CNOT1: variants seen among roughly 807,000 people sequenced by gnomAD.
CNOT1 encodes CCR4-associated factor 1.
In CNOT1, 15 loss-of-function variants were observed where a neutral mutation model predicts 273.8. The ratio of observed to expected loss-of-function variants is 0.05; its 90% CI spans 0.04 to 0.08. The LOEUF is 0.08. Among genes scored for constraint, CNOT1 ranks in the 10% least tolerant of loss-of-function variants. The probability of loss-of-function intolerance (pLI) is 1.00; values close to 1 mark genes in which losing one functional copy is unlikely to be tolerated. For synonymous variants in CNOT1, 1,022 were observed against 1,005.5 expected (o/e 1.02, Z -0.31); for missense variants, 1,644 against 2,912.2 (o/e 0.56, Z 10.02).
chr16:58,555,566 A>T, intron 20 of CNOT1, 29 bp from the exon 21 acceptor site: 1 of 1,595,764 alleles, frequency 6.3e-7, no homozygotes, highest in Non-Finnish European at 8.5e-7. Flanking sequence ...AACAACGCAC[A>T]CATAAAGGAA....
rs180774956 is a variant in CNOT1, at chr16:58,523,335, T to C, written c.6917+35A>G. 3.6e-4 allele frequency: 554 copies of C among 1,556,080 alleles called. 3 individuals carry two copies. The African/African-American group carries it at 5.3e-3, about 15-fold the overall frequency. On this transcript the variant is annotated intron_variant, in intron 47 of 48. Transcript: ENST00000317147. ...AAAAAAGATGAAAGGGAGGAGATCC[T>C]TTTGAAGCATTTAAAAAATAAGCTG...
At chr16:58,624,541 C>T (rs2043485250) in intron 1 of CNOT1, 1 of 152,230 alleles carries the variant, frequency 6.6e-6, no homozygotes. Context: ...CGGCTTACGC[C>T]TATAATCCCA....
intron 7 of CNOT1, among the ~76,000 whole-genome samples, chr16:58,585,852 C>A (rs2041815858): frequency 6.6e-6 from 1 of 152,098 alleles, no homozygotes; most frequent in African/African-American, 2.4e-5. Context: ...GAATATCAGT[C>A]TATTTATTTC....
intron 38 of CNOT1, 53 bp from the exon 39 acceptor site, chr16:58,537,273 C>CATGCGT: frequency 6.5e-7 from 1 of 1,530,244 alleles, no homozygotes; most frequent in Non-Finnish European, 8.8e-7. Flanking sequence ...TGTGATTTTA[C>CATGCGT]AGACATACGC....
chr16:58,580,142 G>A (rs1057414458), intron 12 of CNOT1, among the ~76,000 whole-genome samples: 4 of 152,020 alleles, frequency 2.6e-5, no homozygotes, highest in Non-Finnish European at 5.9e-5. Context: ...CCGGGGAGGC[G>A]GAGGTTGCAG....
At chr16:58,629,202 G>A (rs967706910) in intron 1 of CNOT1, among the ~76,000 whole-genome samples, 1 of 152,252 alleles carries the variant, frequency 6.6e-6, no homozygotes, top group Admixed American at 6.5e-5. Context: ...GTAAGACGGG[G>A]AGAGTGGCAG....
intron 2 of CNOT1, among the ~76,000 whole-genome samples, chr16:58,595,221 A>G (rs895896555): frequency 1.3e-5 from 2 of 152,012 alleles, no homozygotes; most frequent in Admixed American, 6.6e-5. Flanking sequence ...GACCAAAACA[A>G]GTCAGATCAC....
chr16:58,610,335 G>A (rs2042850892), intron 1 of CNOT1, among the ~76,000 whole-genome samples: 2 of 152,176 alleles, frequency 1.3e-5, no homozygotes, highest in African/African-American at 4.8e-5. Context: ...AACGCAGGAG[G>A]TGGAGGGTTG....
At position 58,530,245 on chromosome 16, in the gene CNOT1, C is replaced by A; in HGVS notation, c.6279+1G>T. ...ATTTATAATAAATCCAAGTTAATTA[C>A]CTTGTAGAGGATTTGCATAGGTTTG... On this transcript the variant is annotated splice_donor_variant, in intron 43 of 48. Transcript: ENST00000317147. LOFTEE classifies it high-confidence loss of function. 1 of 1,593,256 alleles carries A rather than the reference C, an allele frequency of 6.3e-7. No individual in the cohort carries two copies. Among genetic ancestry groups the A allele is most frequent in the Non-Finnish European group, 8.6e-7 (1 of 1,165,550 alleles).
intron 16 of CNOT1, among the ~76,000 whole-genome samples, chr16:58,571,643 G>C (rs771270021): frequency 6.6e-6 from 1 of 152,024 alleles, no homozygotes; most frequent in Non-Finnish European, 1.5e-5. Context: ...CCAAACACCT[G>C]ACGGAAAAAC....
intron 7 of CNOT1, 123 bp downstream of exon 7, chr16:58,586,422 G>GGAGGGC (rs1567425778): frequency 2.2e-5 from 1 of 44,758 alleles, no homozygotes; most frequent in East Asian, 4.1e-4. Flanking sequence ...GGAGGGCAGG[G>GGAGGGC]AGGAGGGGAG....
In CNOT1 at chr16:58,587,861, C is replaced by T. The variant is rs1442534539; in HGVS notation, c.228G>A (p.Gln76=). The T allele has an allele frequency of 8.7e-6, 14 of 1,613,560 alleles. No individual in the cohort carries two copies. The highest frequency in any genetic ancestry group is 2.7e-5 in the African/African-American group (2 of 75,046). Residue 76 remains glutamine, a synonymous_variant, in exon 4 of 49, where the codon CAG becomes CAA. Transcript: ENST00000317147. ...KDFHQTQFLI[Q]ECALLITKPN... The stretch of plus-strand genomic sequence containing the variant: ...GCTTTGTAATCAGCAACGCACACTC[C>T]TGAATCAGAAACTGAGTCTTTAAAA...
intron 44 of CNOT1, among the ~76,000 whole-genome samples, chr16:58,527,591 T>C (rs1223510734): frequency 2.6e-4 from 39 of 152,058 alleles, no homozygotes; most frequent in Admixed American, 2.6e-3. Context: ...TTTTAAAAAG[T>C]TATTAATATA....
chr16:58,587,316 G>A, intron 5 of CNOT1, 29 bp downstream of exon 5: 2 of 1,613,686 alleles, frequency 1.2e-6, no homozygotes, highest in Non-Finnish European at 1.7e-6. Flanking sequence ...TTCTAGTTTT[G>A]TCTACATCTC....
At position 58,592,141 on chromosome 16, in the gene CNOT1, T is replaced by C. The variant is rs371355744; in HGVS notation, c.103-3235A>G. ...CCTTCCCAACTGGTAGAATGGTTTC[T>C]ATTTTAAGCAAAAAAGTGTAGGGCT... On this transcript the variant is annotated intron_variant, in intron 2 of 48. Coordinates refer to ENST00000317147, the MANE Select transcript of CNOT1 (RefSeq NM_016284.5). 6.6e-4 allele frequency among the ~76,000 whole-genome samples: 100 copies of C among 152,318 alleles called. 1 individual carries two copies. The highest frequency in any genetic ancestry group is 1.3e-3 in the Non-Finnish European group (86 of 68,022).
chr16:58,553,751 T>C (rs1271937665), intron 22 of CNOT1, 31 bp downstream of exon 22: 1 of 1,601,750 alleles, frequency 6.2e-7, no homozygotes. Flanking sequence ...ACTACATAGC[T>C]ATTTGGGTTT....
intron 1 of CNOT1, among the ~76,000 whole-genome samples, chr16:58,610,836 C>A (rs1447273618): frequency 1.3e-5 from 2 of 149,296 alleles, no homozygotes; most frequent in African/African-American, 5.0e-5. Flanking sequence ...GAGTGAGACT[C>A]CGTCTCAAAA....
At position 58,574,703 on chromosome 16, in the gene CNOT1, C is replaced by A; in HGVS notation, c.1885G>T (p.Gly629Cys). Residue 629 changes from glycine to cysteine, a missense_variant, in exon 16 of 49, where the codon GGC becomes TGC. Transcript: ENST00000317147. ...TGGTCTTTTTCTGGGGCAAGTCCGC[C>A]CAAAATAGAAGGACACCGTCTCTTT... ...FLKRRCPSIL[G>C]GLAPEKDQPK... 3 of 1,608,228 alleles carry A rather than the reference C, an allele frequency of 1.9e-6. No individual in the cohort carries two copies. The highest frequency in any genetic ancestry group is 2.5e-6 in the Non-Finnish European group (3 of 1,178,960).
At chr16:58,598,688 C>A (rs1172382950) in intron 2 of CNOT1, among the ~76,000 whole-genome samples, 1 of 151,560 alleles carries the variant, frequency 6.6e-6, no homozygotes, top group East Asian at 1.9e-4. Flanking sequence ...TTTCTCAGGG[C>A]CCTGAGCACC....
Sources: allele counts gnomAD v4.1 joint callset (sites outside exome capture counted in the v4.1 genomes callset), GRCh38; gene constraint gnomAD v4.1.1; transcripts MANE v1.5; gene names NCBI Gene and HGNC (gene_info 2026-07-23, HGNC 2026-07-21).